CA7: variants seen among roughly 807,000 people sequenced by gnomAD.
CA7 encodes the protein carbonate dehydratase VII.
In CA7, 13 loss-of-function variants were observed where a neutral mutation model predicts 31.4. The observed-to-expected ratio is 0.41, with a 90% confidence interval of 0.27 to 0.66. The LOEUF (loss-of-function observed/expected upper bound fraction) is 0.66, where lower values mean the gene tolerates loss of function less well. CA7 is among the 30% of genes least tolerant of loss of function. The pLI is 0.28. For synonymous variants in CA7, 128 were observed against 133.2 expected, an observed-to-expected ratio of 0.96 and a Z score of 0.27; for missense variants, 215 against 351.0, an observed-to-expected ratio of 0.61 and a Z score of 3.10.
At chr16:66,846,968 C>T (rs1332510274) in intron 1 of CA7, 62 bp from the exon 2 acceptor site, 2 of 1,439,792 alleles carry the variant, frequency 1.4e-6, no homozygotes, top group Non-Finnish European at 1.9e-6. Context: ...CTATGGGTGT[C>T]CTCGGCCTGA....
chr16:66,852,585 A>AG (rs1961084090), intron 5 of CA7, 127 bp from the exon 6 acceptor site: 2 of 473,096 alleles, frequency 4.2e-6, no homozygotes, highest in Non-Finnish European at 6.0e-6. Context: ...AGAAAAGAAA[A>AG]GAAAAAAAAA....
rs778302477 is a variant in CA7, at chr16:66,852,785, C to T, written c.590C>T (p.Pro197Leu). The T allele has an allele frequency of 8.1e-6, 13 of 1,614,030 alleles. No homozygotes were observed. Among genetic ancestry groups the T allele is most frequent in the Non-Finnish European group, 1.1e-5 (13 of 1,179,998 alleles). The change falls in exon 6 of 7, where the codon CCG (proline) becomes CTG (leucine). Residue 197 changes from proline (P) to leucine (L), a missense_variant. Coordinates refer to ENST00000338437, the MANE Select transcript of CA7 (RefSeq NM_005182.3). ...GCCAGCCGGCACTACTGGACCTACC[C>T]GGGCTCTCTGACGACTCCCCCACTC... ...LPASRHYWTY[P>L]GSLTTPPLSE...
At chr16:66,852,597 GAAAAGAAAAGAA>G (rs148837228) in intron 5 of CA7, 103 bp from the exon 6 acceptor site, 7,083 of 385,032 alleles carry the variant, frequency 0.018, 96 homozygotes, top group Middle Eastern at 0.035. Context: ...AAAAAAAAAA[GAAAAGAAAAGAA>G]AAAAGAAAAG....
intron 2 of CA7, among the ~76,000 whole-genome samples, chr16:66,850,052 A>G (rs1961006537): frequency 7.0e-6 from 1 of 143,618 alleles, no homozygotes; most frequent in Non-Finnish European, 1.5e-5. Context: ...CCTGGGAGGT[A>G]GAGGTTGCAG....
At chr16:66,845,952 G>A (rs1229430759) in intron 1 of CA7, among the ~76,000 whole-genome samples, 2 of 152,178 alleles carry the variant, frequency 1.3e-5, no homozygotes, top group East Asian at 1.9e-4. Context: ...CAGAGGGGCC[G>A]GGCCACGATT....
intron 2 of CA7, among the ~76,000 whole-genome samples, chr16:66,848,223 T>C (rs1474337473): frequency 6.6e-6 from 1 of 152,162 alleles, no homozygotes; most frequent in Admixed American, 6.5e-5. Context: ...GGATTGATTA[T>C]AGTTTTTGCT....
At chr16:66,845,166 C>G (rs745373929) in intron 1 of CA7, 2 of 985,480 alleles carry the variant, frequency 2.0e-6, no homozygotes, top group South Asian at 4.7e-5. Flanking sequence ...CCTGGGCTGA[C>G]GCGGAAGAGA....
At chr16:66,845,530 G>T (rs1041031250) in intron 1 of CA7, among the ~76,000 whole-genome samples, 1 of 152,048 alleles carries the variant, frequency 6.6e-6, no homozygotes, top group Admixed American at 6.5e-5. Context: ...GCTCCCTCTG[G>T]GGCCCCAAGA....
Position 66,851,732 on chromosome 16 carries a change from G to A in CA7, c.516+6G>A, listed in dbSNP as rs751359155. On this transcript the variant is annotated splice_donor_region_variant and intron_variant, in intron 5 of 6. Transcript: ENST00000338437. ...TCTACATGGTCCGGTTCAAGGTAAA[G>A]TCCCTGCCCCTGACCCAAGCAGCCC... 6.2e-7 allele frequency: 1 copy of A among 1,613,228 alleles called. No individual in the cohort carries two copies. Among genetic ancestry groups the A allele is most frequent in the Non-Finnish European group, 8.5e-7 (1 of 1,179,580 alleles).
rs1961125377 is a variant in CA7 at position 66,854,132 on chromosome 16, G to A, written c.*634G>A. ...ATCCCTGTTGAATTAATAAATTAAT[G>A]TATCCATGCAACAAATACCAATTGA... On this transcript the variant is annotated 3_prime_UTR_variant, in exon 7 of 7. Coordinates refer to ENST00000338437, the MANE Select transcript of CA7 (RefSeq NM_005182.3). The A allele has an allele frequency of 6.5e-6, 1 of 153,444 alleles. No individual in the cohort carries two copies. The highest frequency in any genetic ancestry group is 2.1e-4 in the South Asian group (1 of 4,852). 9.5% of individuals were successfully genotyped at this position (153,444 alleles called of 1,614,324 possible). A position where few individuals can be genotyped will look rare whatever the true frequency, so the allele number is the denominator to read the frequency against.
In CA7 at chr16:66,853,016, T is replaced by C. The variant is rs933162149; in HGVS notation, c.672+149T>C. 1.3e-6 allele frequency: 1 copy of C among 772,288 alleles called. No homozygotes were observed. The highest frequency in any genetic ancestry group is 1.8e-5 in the African/African-American group (1 of 57,094). The allele number at this position is 772,288 out of a possible 1,614,324, so 47.8% of individuals were successfully genotyped here. A position where few individuals can be genotyped will look rare whatever the true frequency, so the allele number is the denominator to read the frequency against. On this transcript the variant is annotated intron_variant, in intron 6 of 6. Coordinates refer to ENST00000338437, the MANE Select transcript of CA7 (RefSeq NM_005182.3). This position sits in a 1 kb window ranked among gnomAD's most constrained non-coding sequence, Gnocchi z 4.5. ...ACTAATAAATGTATAGATTCTTGGT[T>C]GGGAGTTAGCTTGATTGTTAATCAC...
In CA7 at chr16:66,847,469, C is replaced by G. The variant is rs186968576; in HGVS notation, c.238+242C>G. ...AAGTAAGGTCGATAGATCTGGCACA[C>G]AGCAGATGCTCAGGAAATGCTAATT... is the stretch of plus-strand genomic sequence containing the variant. On this transcript the variant is annotated intron_variant, in intron 2 of 6. Coordinates refer to ENST00000338437, the MANE Select transcript of CA7 (RefSeq NM_005182.3). 1.6e-3 allele frequency among the ~76,000 whole-genome samples: 241 copies of G among 152,346 alleles called. 5 individuals are homozygous for G. The highest frequency in any genetic ancestry group is 0.014 in the Admixed American group (220 of 15,306).
intron 2 of CA7, among the ~76,000 whole-genome samples, chr16:66,847,618 G>A (rs1960956851): frequency 6.6e-6 from 1 of 152,172 alleles, no homozygotes; most frequent in Non-Finnish European, 1.5e-5. Flanking sequence ...AGCAGGGAGA[G>A]AGAAGGGAGC....
intron 1 of CA7, among the ~76,000 whole-genome samples, chr16:66,845,886 G>A (rs1332569733): frequency 6.6e-6 from 1 of 152,238 alleles, no homozygotes; most frequent in Non-Finnish European, 1.5e-5. Flanking sequence ...GGAAGGGAAG[G>A]ACAGAGGACA....
intron 1 of CA7, chr16:66,845,242 C>G: frequency 1.0e-6 from 1 of 985,314 alleles, no homozygotes; most frequent in Non-Finnish European, 1.2e-6. Context: ...AAGGTGAGAG[C>G]CAGACGGCTG....
At chr16:66,847,456 T>C (rs1960953914) in intron 2 of CA7, among the ~76,000 whole-genome samples, 2 of 152,222 alleles carry the variant, frequency 1.3e-5, no homozygotes, top group Non-Finnish European at 2.9e-5. Context: ...GTAAGGTCGA[T>C]AGATCTGGCA....
chr16:66,853,523 C>G lies in CA7; in HGVS notation c.*25C>G. The G allele has an allele frequency of 6.2e-7, 1 of 1,612,980 alleles. No individual in the cohort carries two copies. The highest frequency in any genetic ancestry group is 1.3e-5 in the African/African-American group (1 of 75,054). On this transcript the variant is annotated 3_prime_UTR_variant, in exon 7 of 7. Transcript: ENST00000338437. This position sits in a 1 kb window ranked among gnomAD's most constrained non-coding sequence, Gnocchi z 4.5. The stretch of plus-strand genomic sequence containing the variant: ...AGCTGCCCATCTGCCTAGCCGGCCA[C>G]TAGGGCACCATCTTCTCAAGGGCTT...
intron 2 of CA7, among the ~76,000 whole-genome samples, 177 bp from the exon 3 acceptor site, chr16:66,850,364 C>T (rs548129591): frequency 2.7e-4 from 41 of 152,106 alleles, no homozygotes; most frequent in Non-Finnish European, 5.4e-4. Flanking sequence ...TGGCTTGAGG[C>T]CAGGAGGTTG....
chr16:66,845,294 C>T (rs994007362), intron 1 of CA7: 10 of 914,360 alleles, frequency 1.1e-5, no homozygotes, highest in Non-Finnish European at 1.3e-5. Flanking sequence ...GGGGCCATTT[C>T]TTACCAAGCA....
Sources: gnomAD v4.1 joint callset for allele counts (sites outside exome capture counted in the v4.1 genomes callset) on GRCh38, gnomAD v4.1.1 for gene constraint, Gnocchi (gnomAD v3.1) non-coding constraint, MANE v1.5 for transcripts, NCBI Gene and HGNC (gene_info 2026-07-23, HGNC 2026-07-21) for gene names.